The following FRMD6 variants were observed in gnomAD, a reference collection of about 807,000 sequenced individuals.
The protein encoded by FRMD6 is FERM domain-containing protein 6.
In FRMD6, 37 loss-of-function variants were observed where a neutral mutation model predicts 73.2. That is an observed-to-expected ratio of 0.51 (90% CI 0.39 to 0.66). The LOEUF (loss-of-function observed/expected upper bound fraction) is 0.66, where lower values mean the gene tolerates loss of function less well. Among genes scored for constraint, FRMD6 ranks in the 30% least tolerant of loss-of-function variants. FRMD6 has a pLI of 0.00. For synonymous variants in FRMD6, 273 were observed against 282.2 expected, an observed-to-expected ratio of 0.97 and a Z score of 0.33; for missense variants, 714 against 780.5, an observed-to-expected ratio of 0.91 and a Z score of 1.02.
At chr14:51,453,789 GAC>G in the FRMD6 span, among the ~76,000 whole-genome samples, 7 of 152,168 alleles carry the variant, frequency 4.6e-5, 1 homozygote, top group South Asian at 1.5e-3. Context: ...ATTGCTTTTA[GAC>G]ACAGTTAGGC....
intron 5 of FRMD6, among the ~76,000 whole-genome samples, chr14:51,704,238 G>T (rs774321449): frequency 3.9e-5 from 6 of 152,104 alleles, no homozygotes; most frequent in South Asian, 2.1e-4. Flanking sequence ...TTTTTTTCCA[G>T]AAGAGTATAT....
Position 51,628,799 on chromosome 14 carries a change from TCA to T in FRMD6, c.-147+58390_-147+58391del, listed in dbSNP as rs1491487198. Reference sequence around the variant, plus strand: ...CTGGGTGACAGAGCAAGACTCTGTCTCAAAAAAAAAAAAAAAAAAAAAAAAGG... The same window carrying T: ...CTGGGTGACAGAGCAAGACTCTGTCTAAAAAAAAAAAAAAAAAAAAAAAGG... On this transcript the variant is annotated intron_variant, in intron 2 of 14. Coordinates refer to the FRMD6 transcript ENST00000356218. Among the ~76,000 whole-genome samples the T allele has an allele frequency of 7.1e-3, 66 of 9,334 alleles. 3 individuals are homozygous for T. Among genetic ancestry groups the T allele is most frequent in the South Asian group, 0.033 (8 of 246 alleles). 6.1% of individuals were successfully genotyped at this position (9,334 alleles called of 152,430 possible). A position where few individuals can be genotyped will look rare whatever the true frequency, so the allele number is the denominator to read the frequency against.
the FRMD6 span, among the ~76,000 whole-genome samples, chr14:51,460,159 G>A: frequency 0.033 from 5,024 of 151,986 alleles, 225 homozygotes; most frequent in Admixed American, 0.14. Context: ...ACATGTGTTG[G>A]GAATATGTTG....
At chr14:51,646,318 C>CA (rs34495089) in intron 2 of FRMD6, among the ~76,000 whole-genome samples, 5,051 of 68,456 alleles carry the variant, frequency 0.074, 102 homozygotes, top group Non-Finnish European at 0.091. Context: ...ACTCCATATC[C>CA]AAAAAAAAAA....
chr14:51,423,135 A>T, the FRMD6 span, among the ~76,000 whole-genome samples: 1 of 152,182 alleles, frequency 6.6e-6, no homozygotes, highest in African/African-American at 2.4e-5. Context: ...GGCCACTGAG[A>T]TTCTGTAGTT....
At chr14:51,489,536 TG>T (rs1882874266) in intron 1 of FRMD6, 1 of 152,334 alleles carries the variant, frequency 6.6e-6, no homozygotes, top group Non-Finnish European at 1.5e-5. Context: ...TTAAATAATT[TG>T]ATTTGTCTGC....
At position 51,725,805 on chromosome 14, in the gene FRMD6, T is replaced by G. The variant is rs1027867990; in HGVS notation, c.1519T>G (p.Ser507Ala). 2 of 1,613,880 alleles carry G rather than the reference T, an allele frequency of 1.2e-6. No individual in the cohort carries two copies. The highest frequency in any genetic ancestry group is 1.7e-6 in the Non-Finnish European group (2 of 1,179,794). ...GTTGATTGTGAAAGAAATTGGGTCT[T>G]CCACCTCGAGCTCTTCAGAAACAGT... is the stretch of plus-strand genomic sequence containing the variant. ...SGLIVKEIGS[S>A]TSSSSETVVK... is the part of the protein sequence containing the mutation. The change falls in exon 13 of 14, where the codon TCC (serine) becomes GCC (alanine). Residue 507 changes from serine to alanine, a missense_variant. Transcript: ENST00000344768.
rs1436277072 is a variant in FRMD6 at position 51,684,129 on chromosome 14, TTTG to T, written c.-146-5559_-146-5557del. ...AAGTAAATCTGTGGCTCCTAAATGT[TTTG>T]TTTTGTTTTTAAATAAATAAATGAC... On this transcript the variant is annotated intron_variant, in intron 1 of 13. Coordinates refer to ENST00000344768, the MANE Select transcript of FRMD6 (RefSeq NM_001267046.2). Among the ~76,000 whole-genome samples the T allele has an allele frequency of 2.7e-5, 4 of 150,242 alleles. No homozygotes were observed. The East Asian group carries it at 5.9e-4, about 22-fold the overall frequency.
rs748108678 is a variant in FRMD6 at position 51,698,122 on chromosome 14, C to A, written c.100-20C>A. The A allele has an allele frequency of 6.3e-7, 1 of 1,575,710 alleles. No homozygotes were observed. The highest frequency in any genetic ancestry group is 8.7e-7 in the Non-Finnish European group (1 of 1,147,384). On this transcript the variant is annotated intron_variant, in intron 2 of 13. Transcript: ENST00000344768. ...ACTTAGTTGAATTGTTATTTTACGT[C>A]GTGCCTTTTTCCCCTACAGGTTAAG... is the stretch of plus-strand genomic sequence containing the variant.
intron 2 of FRMD6, among the ~76,000 whole-genome samples, chr14:51,635,825 C>T (rs1891530364): frequency 6.6e-6 from 1 of 152,204 alleles, no homozygotes; most frequent in Non-Finnish European, 1.5e-5. Flanking sequence ...GTAGTAATCA[C>T]TCAGTAAAGC....
At position 51,638,194 on chromosome 14, in the gene FRMD6, G is replaced by T. The variant is rs558263759; in HGVS notation, c.-146-51497G>T. On this transcript the variant is annotated intron_variant, in intron 2 of 14. Transcript: ENST00000356218. ...CACTACTTGGAAGGCTGAGGTGGGGGGATCACGAGTCCAGGAGTTTGAGGT... is the reference window on the plus strand; with the variant it reads ...CACTACTTGGAAGGCTGAGGTGGGGTGATCACGAGTCCAGGAGTTTGAGGT... Among the ~76,000 whole-genome samples the T allele has an allele frequency of 4.6e-5, 7 of 152,222 alleles. No individual in the cohort carries two copies. The South Asian group carries it at 1.5e-3, about 32-fold the overall frequency.
intron 3 of FRMD6, among the ~76,000 whole-genome samples, chr14:51,699,543 A>G (rs1037478314): frequency 7.2e-5 from 11 of 152,226 alleles, no homozygotes; most frequent in Admixed American, 3.3e-4. Flanking sequence ...GCGAAAGAAC[A>G]TTGAAACAGG....
chr14:51,494,740 G>A (rs553615364), intron 1 of FRMD6, among the ~76,000 whole-genome samples: 2 of 152,306 alleles, frequency 1.3e-5, no homozygotes, highest in African/African-American at 2.4e-5. Context: ...TGTGCTTGAT[G>A]GGGCTTTTGC....
At chr14:51,606,429 G>C (rs1219632827) in intron 2 of FRMD6, among the ~76,000 whole-genome samples, 1 of 152,104 alleles carries the variant, frequency 6.6e-6, no homozygotes, top group Non-Finnish European at 1.5e-5. Flanking sequence ...GTACACCCCT[G>C]CTGGGCACTC....
intron 2 of FRMD6, among the ~76,000 whole-genome samples, chr14:51,593,751 T>G (rs1454985323): frequency 1.3e-5 from 2 of 152,170 alleles, no homozygotes; most frequent in Non-Finnish European, 2.9e-5. Context: ...CTCCCGTTTC[T>G]GGATACCAGA....
At chr14:51,622,961 G>C (rs2139933078) in intron 2 of FRMD6, among the ~76,000 whole-genome samples, 1 of 152,158 alleles carries the variant, frequency 6.6e-6, no homozygotes, top group East Asian at 1.9e-4. Context: ...GTAGAGATGG[G>C]GTCTTGCCGT....
chr14:51,515,831 T>C (rs918710128), intron 1 of FRMD6, among the ~76,000 whole-genome samples: 3 of 152,150 alleles, frequency 2.0e-5, no homozygotes, highest in Non-Finnish European at 4.4e-5. Flanking sequence ...GTACAATCTT[T>C]ACCTAGAGCC....
At chr14:51,491,217 C>T (rs930597097) in intron 1 of FRMD6, among the ~76,000 whole-genome samples, 7 of 152,298 alleles carry the variant, frequency 4.6e-5, no homozygotes, top group Middle Eastern at 6.8e-3. Context: ...CCTCACCTGC[C>T]CTAAGAGGCT....
intron 1 of FRMD6, among the ~76,000 whole-genome samples, chr14:51,684,790 T>C (rs576130643): frequency 5.3e-5 from 8 of 152,304 alleles, no homozygotes; most frequent in Non-Finnish European, 8.8e-5. Flanking sequence ...TTCAGTAGAA[T>C]CTTCATGTAT....
Sources: allele counts gnomAD v4.1 joint callset (sites outside exome capture counted in the v4.1 genomes callset), GRCh38; gene constraint gnomAD v4.1.1; transcripts MANE v1.5; gene names NCBI Gene and HGNC (gene_info 2026-07-23, HGNC 2026-07-21).